The following CDH23 variants were observed in gnomAD, a reference collection of about 807,000 sequenced individuals.
CDH23 encodes cadherin related 23, also known as cadherin-23.
CDH23 carries 189 observed loss-of-function variants against 317.1 expected under a neutral mutation model. The observed-to-expected ratio is 0.60, with a 90% confidence interval of 0.53 to 0.67. The LOEUF (loss-of-function observed/expected upper bound fraction) is 0.67. Ranked by LOEUF, CDH23 falls within the 30% of genes least tolerant of loss-of-function variation. The pLI is 0.00. For synonymous variants in CDH23, 1,839 were observed against 1,876.8 expected, an observed-to-expected ratio of 0.98 and a Z score of 0.52; for missense variants, 4,401 against 4,592.4, an observed-to-expected ratio of 0.96 and a Z score of 1.20.
At chr10:71,740,975 T>C in intron 37 of CDH23, 25 bp downstream of exon 37, 1 of 1,612,612 alleles carries the variant, frequency 6.2e-7, no homozygotes, top group Non-Finnish European at 8.5e-7. Flanking sequence ...GGGGCCCATA[T>C]AGCTGGACAT....
At chr10:71,624,719 T>C (rs76306015) in intron 11 of CDH23, among the ~76,000 whole-genome samples, 2,789 of 148,726 alleles carry the variant, frequency 0.019, 177 homozygotes, top group East Asian at 0.16. Context: ...AGAAAAAGCA[T>C]ACTTTAGACA....
intron 9 of CDH23, among the ~76,000 whole-genome samples, chr10:71,587,093 G>C (rs1349056216): frequency 1.3e-5 from 2 of 152,218 alleles, no homozygotes; most frequent in African/African-American, 4.8e-5. Flanking sequence ...AATGTGGCTG[G>C]CTAGAGCCAT....
At chr10:71,610,744 T>C (rs1860827554) in intron 9 of CDH23, among the ~76,000 whole-genome samples, 1 of 145,262 alleles carries the variant, frequency 6.9e-6, no homozygotes, top group African/African-American at 2.6e-5. Context: ...CACACATGAT[T>C]CATTCCTCCC....
intron 28 of CDH23, among the ~76,000 whole-genome samples, chr10:71,722,875 G>C (rs1047015267): frequency 5.9e-5 from 9 of 152,212 alleles, no homozygotes; most frequent in Non-Finnish European, 1.2e-4. Flanking sequence ...GGAGAGAGTG[G>C]TGGGAAGTGG....
intron 14 of CDH23, among the ~76,000 whole-genome samples, chr10:71,651,933 G>A (rs866949805): frequency 2.6e-5 from 4 of 152,202 alleles, no homozygotes; most frequent in Admixed American, 1.3e-4. Flanking sequence ...TGGGAGAGGC[G>A]AAGTGCTGAG....
At chr10:71,790,665 GC>G (rs1319576463) in intron 46 of CDH23, 4 of 535,712 alleles carry the variant, frequency 7.5e-6, no homozygotes, top group Non-Finnish European at 1.3e-5. Flanking sequence ...TGGGCCGGGA[GC>G]CCCCCAGCCC....
intron 1 of CDH23, among the ~76,000 whole-genome samples, chr10:71,439,538 G>A (rs533018730): frequency 1.4e-4 from 21 of 152,256 alleles, no homozygotes; most frequent in African/African-American, 3.4e-4. Flanking sequence ...GAGTCCCCTC[G>A]CAGGACAGCC....
intron 6 of CDH23, among the ~76,000 whole-genome samples, chr10:71,527,917 C>T (rs1255209141): frequency 1.3e-5 from 2 of 152,160 alleles, no homozygotes; most frequent in African/African-American, 4.8e-5. Flanking sequence ...GAGCAGACCT[C>T]ACCTCCCTGG....
chr10:71,637,039 A>T (rs1246906793), intron 11 of CDH23, among the ~76,000 whole-genome samples: 1 of 152,096 alleles, frequency 6.6e-6, no homozygotes, highest in East Asian at 1.9e-4. Context: ...GGTTGGAGGG[A>T]GAAGCAGCTG....
chr10:71,807,397 T>C lies in CDH23; in HGVS notation c.8299T>C (p.Phe2767Leu), dbSNP rs370903798. The C allele has an allele frequency of 6.2e-7, 1 of 1,613,812 alleles. No homozygotes were observed. Among genetic ancestry groups the C allele is most frequent in the Non-Finnish European group, 8.5e-7 (1 of 1,179,792 alleles). ...DEGPNAIVYY[F>L]IAAGNEEKNF... is the part of the protein sequence containing the mutation. ...GGGCCCCAACGCGATCGTGTACTAC[T>C]TCATCGCAGGTGGGGCCAGACAGAG... Residue 2767 changes from phenylalanine (F) to leucine (L), a missense_variant, in exon 58 of 70, where the codon TTC (phenylalanine) becomes CTC (leucine). By Grantham distance (22) the Phe-to-Leu change is conservative. Around this residue, in one of 3 missense-constraint regions of CDH23, gnomAD observed 1,144 missense variants for 1,138.2 expected, o/e 1.01. Transcript: ENST00000224721.
rs4747179 is a variant in CDH23 at position 71,646,940 on chromosome 10, G to T, written c.1449+323G>T. 0.17 allele frequency: 164,455 copies of T among 985,062 alleles called. 14,472 individuals carry two copies. Among genetic ancestry groups the T allele is most frequent in the East Asian group, 0.35 (3,108 of 8,768 alleles). The allele number at this position is 985,062 out of a possible 1,614,324, so 61.0% of individuals were successfully genotyped here. A position where few individuals can be genotyped will look rare whatever the true frequency, so the allele number is the denominator to read the frequency against. On this transcript the variant is annotated intron_variant, in intron 14 of 69. Coordinates refer to ENST00000224721, the MANE Select transcript of CDH23 (RefSeq NM_022124.6). The stretch of plus-strand genomic sequence containing the variant: ...GAAGCCCCCTCAAATGGGTGGGAAG[G>T]TGCCAGCCATCCTTGAGAAGGGCAA...
intron 9 of CDH23, among the ~76,000 whole-genome samples, chr10:71,591,507 G>A (rs2132446721): frequency 6.6e-6 from 1 of 152,180 alleles, no homozygotes; most frequent in East Asian, 1.9e-4. Context: ...AAACGACACA[G>A]GCTCATCTCC....
At chr10:71,469,131 T>C (rs1465877913) in intron 3 of CDH23, among the ~76,000 whole-genome samples, 2 of 152,380 alleles carry the variant, frequency 1.3e-5, no homozygotes, top group Non-Finnish European at 2.9e-5. Context: ...ATCTTTATTC[T>C]ATAGTGTTAT....
At chr10:71,420,398 G>GTGATGGTGATGATGATGGTGATGA (rs1848701124) in intron 1 of CDH23, among the ~76,000 whole-genome samples, 1 of 64,942 alleles carries the variant, frequency 1.5e-5, no homozygotes, top group Non-Finnish European at 3.4e-5. Flanking sequence ...GATGATGATG[G>GTGATGGTGATGATGATGGTGATGA]TGATGGTGAT....
chr10:71,640,974 G>A (rs1389662007), intron 11 of CDH23, among the ~76,000 whole-genome samples: 1 of 152,206 alleles, frequency 6.6e-6, no homozygotes, highest in Non-Finnish European at 1.5e-5. Flanking sequence ...GAGCTTTATA[G>A]AATGCGGATG....
intron 6 of CDH23, among the ~76,000 whole-genome samples, chr10:71,535,135 G>T (rs1370714363): frequency 6.6e-6 from 1 of 152,250 alleles, no homozygotes; most frequent in Non-Finnish European, 1.5e-5. Flanking sequence ...GCTTGGAGCT[G>T]GTGGTTTATG....
chr10:71,805,717 G>A (rs1841692516), intron 55 of CDH23, 89 bp from the exon 56 acceptor site: 8 of 1,318,206 alleles, frequency 6.1e-6, no homozygotes, highest in Non-Finnish European at 8.2e-6. Context: ...ATTCTGCTAC[G>A]GCAGGAGAAA....
At chr10:71,418,512 C>A (rs1021500088) in intron 1 of CDH23, among the ~76,000 whole-genome samples, 1 of 152,134 alleles carries the variant, frequency 6.6e-6, no homozygotes, top group Non-Finnish European at 1.5e-5. Flanking sequence ...GCCTTGTTAG[C>A]CCCAACTCAA....
intron 3 of CDH23, among the ~76,000 whole-genome samples, chr10:71,476,059 T>C (rs1401171242): frequency 2.6e-5 from 4 of 152,136 alleles, no homozygotes; most frequent in African/African-American, 9.7e-5. Context: ...CTCCCAGACA[T>C]TTGGTGATTG....
Sources: allele counts gnomAD v4.1 joint callset (sites outside exome capture counted in the v4.1 genomes callset), GRCh38; gene constraint gnomAD v4.1.1; regional missense constraint gnomAD v4.1.1; transcripts MANE v1.5; gene names NCBI Gene and HGNC (gene_info 2026-07-23, HGNC 2026-07-21).